MYO3B: variants seen among roughly 807,000 people sequenced by gnomAD.
MYO3B encodes the protein myosin IIIB.
Under a neutral mutation model 174.6 loss-of-function variants are expected in MYO3B, and 156 were observed. That is an observed-to-expected ratio of 0.89 (90% CI 0.78 to 1.02). The LOEUF (loss-of-function observed/expected upper bound fraction) is 1.02. Ranked by LOEUF, MYO3B falls within the 50% of genes least tolerant of loss-of-function variation. The pLI is 0.00. For synonymous variants in MYO3B, 563 were observed against 569.1 expected (o/e 0.99, Z 0.15); for missense variants, 1,632 against 1,639.4 (o/e 1.00, Z 0.08).
chr2:170,601,734 T>A, intron 32 of MYO3B: 7 of 1,524,596 alleles, frequency 4.6e-6, no homozygotes, highest in Non-Finnish European at 5.4e-6. Flanking sequence ...CAGGCTTTCC[T>A]TTAGCTCGAT....
At chr2:170,514,065 G>T (rs1688142706) in intron 28 of MYO3B, among the ~76,000 whole-genome samples, 1 of 152,216 alleles carries the variant, frequency 6.6e-6, no homozygotes, top group Admixed American at 6.5e-5. Flanking sequence ...TGGGGACAGG[G>T]TTATTGCCTC....
At position 170,203,498 on chromosome 2, in the gene MYO3B, C is replaced by T. The variant is rs9287935; in HGVS notation, c.321+3214C>T. Reference sequence around the variant, plus strand: ...GTAGAGCCAAAGCAAAAGGGGGCGGCGGGGGGGGGAGGGAGGGAGGGAGAA... The same window carrying T: ...GTAGAGCCAAAGCAAAAGGGGGCGGTGGGGGGGGGAGGGAGGGAGGGAGAA... On this transcript the variant is annotated intron_variant, in intron 3 of 34. Transcript: ENST00000408978. 5.9e-3 allele frequency among the ~76,000 whole-genome samples: 79 copies of T among 13,454 alleles called. 1 individual carries two copies. Among genetic ancestry groups the T allele is most frequent in the African/African-American group, 9.6e-3 (66 of 6,872 alleles). 8.8% of individuals were successfully genotyped at this position (13,454 alleles called of 152,430 possible). A position where few individuals can be genotyped will look rare whatever the true frequency, so the allele number is the denominator to read the frequency against.
At chr2:170,506,639 A>C (rs1164466347) in intron 28 of MYO3B, among the ~76,000 whole-genome samples, 2 of 152,244 alleles carry the variant, frequency 1.3e-5, no homozygotes, top group South Asian at 4.1e-4. Flanking sequence ...GAATAAATCA[A>C]GTACTCTGTA....
intron 22 of MYO3B, among the ~76,000 whole-genome samples, chr2:170,421,457 G>A (rs1380370037): frequency 1.3e-5 from 2 of 152,154 alleles, no homozygotes; most frequent in African/African-American, 2.4e-5. Flanking sequence ...CTTTAAGCAC[G>A]AGAACCACGT....
intron 22 of MYO3B, among the ~76,000 whole-genome samples, chr2:170,416,927 G>A (rs2105843783): frequency 6.7e-6 from 1 of 148,994 alleles, no homozygotes; most frequent in South Asian, 2.2e-4. Flanking sequence ...CCGGGTTCAA[G>A]CAATTCTCCT....
intron 25 of MYO3B, among the ~76,000 whole-genome samples, chr2:170,484,303 A>C (rs1383884642): frequency 6.6e-6 from 1 of 152,214 alleles, no homozygotes; most frequent in Non-Finnish European, 1.5e-5. Flanking sequence ...CAGGATGTGA[A>C]ATGCCCATCC....
rs763658637 is a variant in MYO3B, at chr2:170,651,751, C to T, written c.3840+17C>T. ...CAGTTAAATGTGAGTTCAAAGTGGC[C>T]GTAAAGCTGTTTCACTGGCTTTGTT... On this transcript the variant is annotated intron_variant, in intron 33 of 34. Transcript: ENST00000408978. 6.9e-6 allele frequency: 11 copies of T among 1,601,292 alleles called. No individual in the cohort carries two copies. In the East Asian group the frequency reaches 8.9e-5, roughly 13 times the overall value.
intron 30 of MYO3B, among the ~76,000 whole-genome samples, chr2:170,528,141 T>A (rs1428906335): frequency 6.6e-6 from 1 of 152,232 alleles, no homozygotes; most frequent in Non-Finnish European, 1.5e-5. Context: ...TGAAGGGAGA[T>A]TCTATTAACA....
chr2:170,194,780 T>C (rs911281038), intron 1 of MYO3B, among the ~76,000 whole-genome samples: 2 of 152,064 alleles, frequency 1.3e-5, no homozygotes, highest in African/African-American at 4.8e-5. Context: ...AGGAAGTCAG[T>C]GGTAGATCAG....
At chr2:170,229,573 A>C (rs1283278470) in intron 6 of MYO3B, among the ~76,000 whole-genome samples, 1 of 152,238 alleles carries the variant, frequency 6.6e-6, no homozygotes, top group African/African-American at 2.4e-5. Context: ...ATTATTTCTT[A>C]TGACAGCAAA....
chr2:170,581,269 AG>A (rs1693132832), intron 32 of MYO3B, among the ~76,000 whole-genome samples: 1 of 152,238 alleles, frequency 6.6e-6, no homozygotes, highest in African/African-American at 2.4e-5. Flanking sequence ...TTAATAATAA[AG>A]ATAGTCACTT....
chr2:170,385,062 G>A (rs1355526620), intron 12 of MYO3B, among the ~76,000 whole-genome samples: 1 of 152,080 alleles, frequency 6.6e-6, no homozygotes, highest in Non-Finnish European at 1.5e-5. Flanking sequence ...TTATTATGAA[G>A]GGTATAACTC....
intron 8 of MYO3B, among the ~76,000 whole-genome samples, chr2:170,354,575 T>TC (rs2094105124): frequency 6.6e-6 from 1 of 152,146 alleles, no homozygotes; most frequent in Non-Finnish European, 1.5e-5. Context: ...TAGAGTTAGT[T>TC]CCCTAACAAT....
chr2:170,358,462 G>A (rs1324919328), intron 8 of MYO3B, among the ~76,000 whole-genome samples: 11 of 152,064 alleles, frequency 7.2e-5, no homozygotes, highest in Non-Finnish European at 1.5e-4. Flanking sequence ...TAATGGATAC[G>A]GGGTTTCTTT....
chr2:170,538,032 A>C (rs909455115), intron 30 of MYO3B, among the ~76,000 whole-genome samples: 1 of 152,242 alleles, frequency 6.6e-6, no homozygotes, highest in Non-Finnish European at 1.5e-5. Context: ...AAACTTTATC[A>C]AAATTAATAA....
intron 32 of MYO3B, chr2:170,640,883 C>T (rs953554901): frequency 6.7e-6 from 1 of 148,194 alleles, no homozygotes; most frequent in African/African-American, 2.5e-5. Flanking sequence ...GTTTTAAAGA[C>T]ATGTATTTAA....
intron 32 of MYO3B, among the ~76,000 whole-genome samples, chr2:170,599,246 A>G (rs59390021): frequency 0.045 from 6,852 of 152,226 alleles, 542 homozygotes; most frequent in African/African-American, 0.16. Flanking sequence ...TACTGTTCGT[A>G]CTGGTAGCAC....
At chr2:170,236,244 T>C in intron 7 of MYO3B, 108 bp downstream of exon 7, 1 of 1,424,604 alleles carries the variant, frequency 7.0e-7, no homozygotes. Context: ...TGACAAAGCC[T>C]GATTGTGAAA....
chr2:170,477,151 C>T (rs1335170379), intron 25 of MYO3B, among the ~76,000 whole-genome samples: 1 of 152,172 alleles, frequency 6.6e-6, no homozygotes, highest in Non-Finnish European at 1.5e-5. Context: ...ATAGCCTAGA[C>T]TGCTGTCAGC....
Sources: allele counts gnomAD v4.1 joint callset (sites outside exome capture counted in the v4.1 genomes callset), GRCh38; gene constraint gnomAD v4.1.1; transcripts MANE v1.5; gene names NCBI Gene and HGNC (gene_info 2026-07-23, HGNC 2026-07-21).